ANO7: variants seen among roughly 807,000 people sequenced by gnomAD.
ANO7 encodes the protein anoctamin 7, also known as anoctamin-7.
Under a neutral mutation model 115.8 loss-of-function variants are expected in ANO7, and 114 were observed. The observed-to-expected ratio is 0.98, with a 90% CI of 0.85 to 1.15. The LOEUF (loss-of-function observed/expected upper bound fraction) is 1.15. Ranked by LOEUF, ANO7 falls within the 50% of genes most tolerant of loss-of-function variation. The pLI, the probability that ANO7 is intolerant of heterozygous loss-of-function variation, is 0.00. For missense variants in ANO7, 1,302 were observed against 1,201.2 expected (o/e 1.08, Z -1.24); for synonymous variants, 550 against 498.2 (o/e 1.10, Z -1.38).
Position 241,199,413 on chromosome 2 carries a change from T to G in ANO7, c.407T>G (p.Leu136Arg), listed in dbSNP as rs1400501823. 5 of 1,613,652 alleles carry G rather than the reference T, an allele frequency of 3.1e-6. No individual in the cohort carries two copies. Among genetic ancestry groups the G allele is most frequent in the Non-Finnish European group, 4.2e-6 (5 of 1,180,016 alleles). The change falls in exon 5 of 25, where the codon CTG becomes CGG. Residue 136 changes from leucine (L) to arginine (R), a missense_variant. By Grantham distance (102) the Leu-to-Arg change is moderately radical. Coordinates refer to ENST00000674324, the MANE Select transcript of ANO7 (RefSeq NM_001370694.2). ...TACGCCGAAGACCTGCGCCTGAAGC[T>G]GCCCTTGCAGGTACGTGGGAGGCAT... ...CYYAEDLRLKLPLQELPNQAS... is the reference protein window; with the variant it reads ...CYYAEDLRLKRPLQELPNQAS...
chr2:241,199,116 A>T, intron 4 of ANO7, 200 bp from the exon 5 acceptor site: 1 of 558,616 alleles, frequency 1.8e-6, no homozygotes, highest in Middle Eastern at 3.0e-4. Flanking sequence ...CGACTCCCAA[A>T]CGGGGCTGTC....
At chr2:241,202,997 G>A (rs1010273063) in intron 8 of ANO7, among the ~76,000 whole-genome samples, 26 of 152,186 alleles carry the variant, frequency 1.7e-4, no homozygotes, top group Non-Finnish European at 3.7e-4. Flanking sequence ...CACAGCACAG[G>A]ACACGAGCCT....
chr2:241,212,274 TG>T, intron 16 of ANO7, 69 bp downstream of exon 16: 31 of 1,439,730 alleles, frequency 2.2e-5, no homozygotes, highest in Non-Finnish European at 2.7e-5. Context: ...TCCCGCTGCC[TG>T]GGTACCAGGC....
chr2:241,224,003 C>T, intron 24 of ANO7, 48 bp downstream of exon 24: 1 of 1,613,858 alleles, frequency 6.2e-7, no homozygotes, highest in Non-Finnish European at 8.5e-7. Context: ...TCCCTGAGGT[C>T]ACAGGGCCCT....
rs371988604 is a variant in ANO7, at chr2:241,224,377, CTT to C, written c.*226_*227del. 1.0e-5 allele frequency: 6 copies of C among 579,326 alleles called. No individual in the cohort carries two copies. Among genetic ancestry groups the C allele is most frequent in the East Asian group, 2.9e-5 (1 of 34,336 alleles). The allele number at this position is 579,326 out of a possible 1,614,324, so 35.9% of individuals were successfully genotyped here. ...AGGGACCGTCAGCTCACAAGGCCCT[CTT>C]TGTTTCCTGCTCCCAGACATAAGCC... On this transcript the variant is annotated 3_prime_UTR_variant, in exon 25 of 25. Transcript: ENST00000674324.
Position 241,218,276 on chromosome 2 carries a change from G to A in ANO7, c.2216G>A (p.Arg739His). The stretch of plus-strand genomic sequence containing the variant: ...GCCTTCTCGTCCGACTTCCTGCCGC[G>A]CGCCTACTACCGGTGGACCCGCGCC... ...LLAFSSDFLPRAYYRWTRAHD... is the reference protein window; with the variant it reads ...LLAFSSDFLPHAYYRWTRAHD... Residue 739 changes from arginine to histidine, a missense_variant, in exon 21 of 25, where the codon CGC becomes CAC. Arg to His is a conservative substitution (Grantham distance 29, BLOSUM62 0). Coordinates refer to ENST00000674324, the MANE Select transcript of ANO7 (RefSeq NM_001370694.2). 2 of 1,534,090 alleles carry A rather than the reference G, an allele frequency of 1.3e-6. No individual in the cohort carries two copies. The highest frequency in any genetic ancestry group is 1.2e-5 in the South Asian group (1 of 85,048).
At chr2:241,221,333 C>T (rs753666090) in intron 21 of ANO7, among the ~76,000 whole-genome samples, 4 of 151,872 alleles carry the variant, frequency 2.6e-5, no homozygotes, top group Non-Finnish European at 5.9e-5. Flanking sequence ...GCCTCGGCCT[C>T]CCAAAGTGCT....
In ANO7 at chr2:241,199,339, C is replaced by G; in HGVS notation, c.333C>G (p.Thr111=). ...VDQQDVQDGN[T]TVHYALLSAS... is the part of the protein sequence containing the mutation. ...AGCAGGACGTCCAGGACGGGAACACCACAGTGCACTACGCCCTCCTCAGCG... is the reference window on the plus strand; with the variant it reads ...AGCAGGACGTCCAGGACGGGAACACGACAGTGCACTACGCCCTCCTCAGCG... The change falls in exon 5 of 25, where the codon ACC becomes ACG. Residue 111 remains threonine (T), a synonymous_variant. Transcript: ENST00000674324. 1 of 1,613,702 alleles carries G rather than the reference C, an allele frequency of 6.2e-7. No individual in the cohort carries two copies. Among genetic ancestry groups the G allele is most frequent in the East Asian group, 2.2e-5 (1 of 44,890 alleles).
chr2:241,227,071 TGGCAGCCAGAGGACAGGGACA>T (rs869118118), downstream of ANO7, among the ~76,000 whole-genome samples: 8 of 152,350 alleles, frequency 5.3e-5, 1 homozygote, highest in African/African-American at 1.9e-4. Context: ...GCTGACTGTC[TGGCAGCCAGAGGACAGGGACA>T]GGCAGCCACC....
chr2:241,229,406 T>C (rs2069447488), downstream of ANO7: 1 of 539,732 alleles, frequency 1.9e-6, no homozygotes, highest in African/African-American at 1.9e-5. Flanking sequence ...GTGGAGCAGG[T>C]CCTGAGCGGG....
intron 2 of ANO7, among the ~76,000 whole-genome samples, chr2:241,190,860 C>A (rs2068183499): frequency 2.0e-5 from 3 of 152,226 alleles, no homozygotes; most frequent in Non-Finnish European, 4.4e-5. Context: ...AAGGCAGGCA[C>A]CCCTGGTCCT....
chr2:241,226,129 G>A (rs2069163526), downstream of ANO7, among the ~76,000 whole-genome samples: 1 of 151,812 alleles, frequency 6.6e-6, no homozygotes, highest in South Asian at 2.1e-4. Flanking sequence ...CCTACCCTGT[G>A]ACCCTCTCCC....
the ANO7 span, chr2:241,233,829 A>G: frequency 3.7e-6 from 6 of 1,614,018 alleles, no homozygotes; most frequent in African/African-American, 6.7e-5. The surrounding 1 kb of genome is among the most constrained non-coding windows in gnomAD (Gnocchi z 4.3). Context: ...CCTGGTTCCC[A>G]TCGTCCTTAT....
rs764903505 is a variant in ANO7 at position 241,209,590 on chromosome 2, CCG to C, written c.1322_1323del (p.Arg441ProfsTer134). On this transcript the variant is annotated frameshift_variant, in exon 13 of 25. Coordinates refer to ENST00000674324, the MANE Select transcript of ANO7 (RefSeq NM_001370694.2). LOFTEE classifies it high-confidence loss of function. Reference protein sequence around the residue: ...EDEPYFPERSRARRMLAGSVV... With the variant: ...EDEPYFPERSXARRMLAGSVV... ...ACGAGCCCTACTTCCCTGAGAGGAG[CCG>C]CGCGCGCCGCATGCTGGCCGGCTCT... 3.1e-6 allele frequency: 5 copies of C among 1,600,142 alleles called. No individual in the cohort carries two copies. The South Asian group carries it at 3.3e-5, about 11-fold the overall frequency.
intron 3 of ANO7, 53 bp from the exon 4 acceptor site, chr2:241,195,650 G>A: frequency 1.3e-6 from 2 of 1,573,308 alleles, no homozygotes; most frequent in Admixed American, 1.7e-5. Context: ...CCTTCCCTGG[G>A]CCGGCCACTG....
intron 16 of ANO7, 103 bp from the exon 17 acceptor site, chr2:241,212,469 T>G: frequency 4.6e-6 from 6 of 1,307,364 alleles, no homozygotes; most frequent in Non-Finnish European, 6.5e-6. Flanking sequence ...TCGTGCTTCC[T>G]CCAGGGCAGG....
At chr2:241,239,986 T>G in the ANO7 span, 1 of 1,614,216 alleles carries the variant, frequency 6.2e-7, no homozygotes, top group East Asian at 2.2e-5. The surrounding 1 kb of genome is among the most constrained non-coding windows in gnomAD (Gnocchi z 4.6). Context: ...GTCCTGGTCC[T>G]TGTCCTCAGC....
chr2:241,233,078 T>C, the ANO7 span, among the ~76,000 whole-genome samples: 136,105 of 152,118 alleles, frequency 0.89, 61,219 homozygotes, highest in East Asian at 1. The surrounding 1 kb of genome is among the most constrained non-coding windows in gnomAD (Gnocchi z 4.3). Context: ...GCCAGGGGGT[T>C]TGCTGTTTCT....
intron 4 of ANO7, among the ~76,000 whole-genome samples, chr2:241,198,709 G>A (rs2068399121): frequency 6.6e-6 from 1 of 152,230 alleles, no homozygotes. Flanking sequence ...AAATGGGATG[G>A]TGCTGAAAAG....
Sources: allele counts gnomAD v4.1 joint callset (sites outside exome capture counted in the v4.1 genomes callset), GRCh38; gene constraint gnomAD v4.1.1; non-coding constraint Gnocchi (gnomAD v3.1); transcripts MANE v1.5; gene names NCBI Gene and HGNC (gene_info 2026-07-23, HGNC 2026-07-21).